Variants in VPS16 observed in about 807,000 individuals in gnomAD.
The protein encoded by VPS16 is VPS16 core subunit of CORVET and HOPS complexes.
VPS16 carries 82 observed loss-of-function variants against 116.0 expected under a neutral mutation model. The observed-to-expected ratio is 0.71, with a 90% CI of 0.59 to 0.85. VPS16 has a LOEUF of 0.85. Ranked by LOEUF, VPS16 falls within the 40% of genes least tolerant of loss-of-function variation. VPS16 has a pLI of 0.00. For missense variants in VPS16, 928 were observed against 1,090.6 expected, an observed-to-expected ratio of 0.85 and a Z score of 2.10; for synonymous variants, 406 against 420.7, an observed-to-expected ratio of 0.96 and a Z score of 0.43.
chr20:2,859,660 T>C (rs1191725545), intron 1 of VPS16, 59 bp from the exon 2 acceptor site: 31 of 1,564,026 alleles, frequency 2.0e-5, no homozygotes, highest in Non-Finnish European at 2.6e-5. Flanking sequence ...TCCTCTGGGG[T>C]TCACTCCATA....
chr20:2,865,116 T>A lies in VPS16; in HGVS notation c.2005-32T>A. The A allele has an allele frequency of 1.2e-6, 2 of 1,614,078 alleles. No individual in the cohort carries two copies. Among genetic ancestry groups the A allele is most frequent in the Non-Finnish European group, 1.7e-6 (2 of 1,179,998 alleles). On this transcript the variant is annotated intron_variant, in intron 20 of 23. Transcript: ENST00000380445. This position sits in a 1 kb window ranked among gnomAD's most constrained non-coding sequence, Gnocchi z 5.2. ...CCTGGTCTTCCCTCCTGGTCCCTCATCCCCATCATGCCTCATTATCCGGGT... is the reference window on the plus strand; with the variant it reads ...CCTGGTCTTCCCTCCTGGTCCCTCAACCCCATCATGCCTCATTATCCGGGT...
rs1465568019 is a variant in VPS16, at chr20:2,842,836, G to GTATC, written c.53+2014_53+2017dup. 7.9e-4 allele frequency among the ~76,000 whole-genome samples: 105 copies of GTATC among 133,630 alleles called. 9 individuals carry two copies. The highest frequency in any genetic ancestry group is 5.1e-3 in the Admixed American group (60 of 11,838). 87.7% of individuals were successfully genotyped at this position (133,630 alleles called of 152,430 possible). ...TCTATCTATAGATAGACATATAGAT[G>GTATC]TATCTATCGATAGATAGATGTATCT... On this transcript the variant is annotated intron_variant, in intron 1 of 23. Transcript: ENST00000380445.
intron 1 of VPS16, among the ~76,000 whole-genome samples, chr20:2,854,238 T>TACACACACACACACACAC (rs150363426): frequency 0.03 from 4,167 of 139,854 alleles, 175 homozygotes; most frequent in African/African-American, 0.089. Context: ...ACCCCGTCTC[T>TACACACACACACACACAC]ACACACACAC....
chr20:2,861,303 T>TGG, intron 8 of VPS16, 23 bp downstream of exon 8: 1 of 1,613,622 alleles, frequency 6.2e-7, no homozygotes, highest in Non-Finnish European at 8.5e-7. Flanking sequence ...GTGTTATTGC[T>TGG]GGGGGTGTGG....
chr20:2,865,473 A>G lies in VPS16; in HGVS notation c.2249A>G (p.Lys750Arg), dbSNP rs774178811. ...WEELEKFSKS[K>R]KSPIGYLPFV... ...GAGCTAGAGAAGTTTTCCAAGAGCA[A>G]GAAATCACCCATTGGCTACCTGGTG... The change falls in exon 22 of 24, where the codon AAG becomes AGG. Residue 750 changes from lysine to arginine, a missense_variant. Coordinates refer to ENST00000380445, the MANE Select transcript of VPS16 (RefSeq NM_022575.4). The surrounding 1 kb of genome is among the most constrained non-coding windows in gnomAD (Gnocchi z 5.2). The G allele has an allele frequency of 6.2e-7, 1 of 1,614,090 alleles. No homozygotes were observed. Among genetic ancestry groups the G allele is most frequent in the South Asian group, 1.1e-5 (1 of 91,080 alleles).
Position 2,864,549 on chromosome 20 carries a change from C to G in VPS16, c.1821C>G (p.Phe607Leu), listed in dbSNP as rs890615325. ...QPMALSLYRQ[F>L]CKHQELETLK... ...TGATTGCCTGCCTGTGGCCCCAGTT[C>G]TGTAAGCATCAGGAGCTAGAGACGC... Residue 607 changes from phenylalanine to leucine, a missense_variant and splice_region_variant, in exon 19 of 24, where the codon TTC becomes TTG. Transcript: ENST00000380445. The surrounding 1 kb of genome is among the most constrained non-coding windows in gnomAD (Gnocchi z 5.2). The G allele has an allele frequency of 3.7e-6, 6 of 1,614,160 alleles. No homozygotes were observed. The Admixed American group carries it at 6.7e-5, about 18-fold the overall frequency.
At chr20:2,842,662 A>AGATGTATCTATATATATATAGATACATC (rs2088994701) in intron 1 of VPS16, among the ~76,000 whole-genome samples, 1 of 93,806 alleles carries the variant, frequency 1.1e-5, no homozygotes, top group Non-Finnish European at 2.0e-5. Context: ...AGATAGATAT[A>AGATGTATCTATATATATATAGATACATC]TAGATGTATC....
At chr20:2,862,759 G>GGGGGGGGGGGGGGGGGC in intron 12 of VPS16, 48 bp from the exon 13 acceptor site, 2 of 777,194 alleles carry the variant, frequency 2.6e-6, no homozygotes, top group Non-Finnish European at 4.2e-6. Context: ...GAGGGGGTGG[G>GGGGGGGGGGGGGGGGGC]ATGGGCAGCA....
chr20:2,849,145 C>T (rs2089090875), intron 1 of VPS16, among the ~76,000 whole-genome samples: 1 of 152,108 alleles, frequency 6.6e-6, no homozygotes, highest in South Asian at 2.1e-4. Context: ...TATCCCTCTT[C>T]CAAGTTTCAG....
chr20:2,864,722 C>A lies in VPS16; in HGVS notation c.1926+68C>A. On this transcript the variant is annotated intron_variant, in intron 19 of 23. Transcript: ENST00000380445. The surrounding 1 kb of genome is among the most constrained non-coding windows in gnomAD (Gnocchi z 5.2). ...GCTGGGGCTGTTGGTCCGGTTCCTT[C>A]AGGAATCTAGGCCTTCGTGTTGGGT... The A allele has an allele frequency of 6.5e-7, 1 of 1,536,360 alleles. No individual in the cohort carries two copies. Among genetic ancestry groups the A allele is most frequent in the Non-Finnish European group, 8.9e-7 (1 of 1,117,490 alleles).
In VPS16 at chr20:2,866,276, T is replaced by C. The variant is rs749342625; in HGVS notation, c.2336T>C (p.Val779Ala). ...KYEAKKYASR[V>A]GPEQKVKALL... ...GAAGCCAAGAAGTATGCTTCCCGCG[T>C]GGGTCCCGAGCAGAAGGTCAAGGCT... is the stretch of plus-strand genomic sequence containing the variant. The change falls in exon 23 of 24, where the codon GTG becomes GCG. Residue 779 changes from valine (V) to alanine (A), a missense_variant. Val to Ala is a moderately conservative substitution (Grantham distance 64). Transcript: ENST00000380445. 2 of 1,614,040 alleles carry C rather than the reference T, an allele frequency of 1.2e-6. No homozygotes were observed. The highest frequency in any genetic ancestry group is 1.7e-6 in the Non-Finnish European group (2 of 1,180,020).
rs924865634 is a variant in VPS16, at chr20:2,863,077, C to T, written c.1344C>T (p.Leu448=). Residue 448 remains leucine, a synonymous_variant, in exon 14 of 24, where the codon CTC becomes CTT. Transcript: ENST00000380445. The surrounding 1 kb of genome is among the most constrained non-coding windows in gnomAD (Gnocchi z 4.4). The part of the protein sequence containing the change: ...IPLTYSQYKQ[L]TIQVLLDRLV... ...GAGGAAAATACAGATATAAGCAGCT[C>T]ACCATCCAGGTGCTGCTGGACAGGT... 4 of 1,613,944 alleles carry T rather than the reference C, an allele frequency of 2.5e-6. No individual in the cohort carries two copies. In the African/African-American group the frequency reaches 5.3e-5, roughly 22 times the overall value.
rs2089355566 is a variant in VPS16, at chr20:2,866,724, A to C, written c.*150A>C. The C allele has an allele frequency of 1.7e-6, 2 of 1,191,230 alleles. No individual in the cohort carries two copies. Among genetic ancestry groups the C allele is most frequent in the African/African-American group, 1.5e-5 (1 of 65,106 alleles). 73.8% of individuals were successfully genotyped at this position (1,191,230 alleles called of 1,614,324 possible). ...GCTGTCTGGTTTTAAATAAAGTTGG[A>C]ACACTTCACAGTGCTTGTCTTACAC... is the stretch of plus-strand genomic sequence containing the variant. On this transcript the variant is annotated 3_prime_UTR_variant, in exon 24 of 24. Coordinates refer to ENST00000380445, the MANE Select transcript of VPS16 (RefSeq NM_022575.4).
In VPS16 at chr20:2,864,390, G is replaced by A. The variant is rs746270060; in HGVS notation, c.1746G>A (p.Lys582=). The A allele has an allele frequency of 6.2e-7, 1 of 1,614,182 alleles. No homozygotes were observed. Among genetic ancestry groups the A allele is most frequent in the South Asian group, 1.1e-5 (1 of 91,072 alleles). The change falls in exon 18 of 24, where the codon AAG becomes AAA. Residue 582 remains lysine, a synonymous_variant. Coordinates refer to ENST00000380445, the MANE Select transcript of VPS16 (RefSeq NM_022575.4). This position sits in a 1 kb window ranked among gnomAD's most constrained non-coding sequence, Gnocchi z 5.2. ...TGTTCACGGTGTTGCTGCACCTGAA[G>A]AACGAGCTGAACCGAGGAGATTTTT... The part of the protein sequence containing the change: ...DLVFTVLLHL[K]NELNRGDFFM...
chr20:2,859,646 G>A (rs928827110), intron 1 of VPS16, 73 bp from the exon 2 acceptor site: 59 of 1,510,010 alleles, frequency 3.9e-5, no homozygotes, highest in African/African-American at 5.5e-5. Context: ...GAGGCTTTAG[G>A]AATTCCTCTG....
intron 11 of VPS16, 35 bp downstream of exon 11, chr20:2,862,165 G>T (rs941521248): frequency 6.2e-7 from 1 of 1,601,022 alleles, no homozygotes; most frequent in Non-Finnish European, 8.5e-7. Context: ...GTCCCAGAAT[G>T]GTTCCTCCTG....
intron 1 of VPS16, among the ~76,000 whole-genome samples, chr20:2,846,985 A>G (rs2089066639): frequency 6.6e-6 from 1 of 152,020 alleles, no homozygotes; most frequent in Non-Finnish European, 1.5e-5. Flanking sequence ...GGCCTTCCTC[A>G]CTAAGTGTGT....
chr20:2,856,226 G>C (rs12480419), intron 1 of VPS16, among the ~76,000 whole-genome samples: 9 of 152,150 alleles, frequency 5.9e-5, no homozygotes, highest in Non-Finnish European at 1.2e-4. Flanking sequence ...ATCGGGGAAC[G>C]GCTCGTTGGT....
chr20:2,853,798 G>A (rs2089145222), intron 1 of VPS16, among the ~76,000 whole-genome samples: 2 of 151,948 alleles, frequency 1.3e-5, no homozygotes, highest in Non-Finnish European at 2.9e-5. Flanking sequence ...TCAGCTTACT[G>A]ATTAGCTGGG....
Sources: gnomAD v4.1 joint callset for allele counts (sites outside exome capture counted in the v4.1 genomes callset) on GRCh38, gnomAD v4.1.1 for gene constraint, Gnocchi (gnomAD v3.1) non-coding constraint, MANE v1.5 for transcripts, NCBI Gene and HGNC (gene_info 2026-07-23, HGNC 2026-07-21) for gene names.